The following ZNG1E variants were observed in gnomAD, a reference collection of about 807,000 sequenced individuals.
The protein encoded by ZNG1E is Zn regulated GTPase metalloprotein activator 1E.
At chr9:65,704,054 A>G in the ZNG1E span, 1 of 207,838 alleles carries the variant, frequency 4.8e-6, no homozygotes, top group Non-Finnish European at 5.6e-6. Context: ...TTAGTGTTCT[A>G]CAATTCCTTT....
At chr9:65,661,093 A>C in the ZNG1E span, among the ~76,000 whole-genome samples, 1 of 148,842 alleles carries the variant, frequency 6.7e-6, no homozygotes, top group Non-Finnish European at 1.5e-5. Flanking sequence ...TGCTAGATAT[A>C]TACGTTTTTT....
At chr9:65,681,828 A>G in the ZNG1E span, 2 of 1,548,160 alleles carry the variant, frequency 1.3e-6, no homozygotes, top group Non-Finnish European at 1.7e-6. Flanking sequence ...GCATTTTCTT[A>G]AAGTGTTTTT....
At chr9:65,717,850 G>A in the ZNG1E span, among the ~76,000 whole-genome samples, 1 of 145,156 alleles carries the variant, frequency 6.9e-6, no homozygotes, top group Admixed American at 6.9e-5. Flanking sequence ...ACCATGCCTG[G>A]CTAATTTTTT....
the ZNG1E span, among the ~76,000 whole-genome samples, chr9:65,661,320 C>A: frequency 3.4e-5 from 5 of 148,318 alleles, no homozygotes; most frequent in African/African-American, 1.0e-4. Context: ...AAGAAAAAAA[C>A]AAAGAAACAA....
At chr9:65,720,149 TTAAC>T in the ZNG1E span, 3 of 1,556,050 alleles carry the variant, frequency 1.9e-6, no homozygotes, top group Non-Finnish European at 1.7e-6. Context: ...AAGGACCTCT[TTAAC>T]TAGATAGGCT....
the ZNG1E span, chr9:65,675,741 G>T: frequency 2.0e-5 from 15 of 734,454 alleles, 1 homozygote; most frequent in Non-Finnish European, 3.2e-5. Flanking sequence ...CACAGAACAC[G>T]CCCAGGGGCG....
At chr9:65,684,666 G>GC in the ZNG1E span, among the ~76,000 whole-genome samples, 4,801 of 146,810 alleles carry the variant, frequency 0.033, 9 homozygotes, top group African/African-American at 0.12. Flanking sequence ...CTCAGCCTCA[G>GC]CTGGGAGCTT....
the ZNG1E span, among the ~76,000 whole-genome samples, chr9:65,693,122 A>C: frequency 6.6e-6 from 1 of 152,266 alleles, no homozygotes; most frequent in Non-Finnish European, 1.5e-5. Flanking sequence ...CCTGGAACTT[A>C]AAATTTAAAA....
At chr9:65,728,732 C>CA in the ZNG1E span, among the ~76,000 whole-genome samples, 3 of 147,848 alleles carry the variant, frequency 2.0e-5, no homozygotes, top group African/African-American at 7.8e-5. Context: ...AAAAAATTAC[C>CA]AACAAAAAAA....
At chr9:65,658,152 A>T in the ZNG1E span, among the ~76,000 whole-genome samples, 1 of 151,770 alleles carries the variant, frequency 6.6e-6, no homozygotes, top group Non-Finnish European at 1.5e-5. Context: ...CCTATTATGT[A>T]CCAATAAAAG....
chr9:65,662,415 T>C, the ZNG1E span, among the ~76,000 whole-genome samples: 4 of 152,272 alleles, frequency 2.6e-5, no homozygotes, highest in Non-Finnish European at 5.9e-5. Context: ...GTCTCTGGTT[T>C]TGTGAATGGT....
the ZNG1E span, among the ~76,000 whole-genome samples, chr9:65,687,957 A>C: frequency 6.6e-6 from 1 of 150,966 alleles, no homozygotes; most frequent in African/African-American, 2.4e-5. Flanking sequence ...ATTACCATGA[A>C]TACTTTTTTT....
At chr9:65,681,397 C>A in the ZNG1E span, among the ~76,000 whole-genome samples, 1 of 152,250 alleles carries the variant, frequency 6.6e-6, no homozygotes, top group East Asian at 1.9e-4. Flanking sequence ...TAAATAAAAG[C>A]TAAAATAATG....
the ZNG1E span, among the ~76,000 whole-genome samples, chr9:65,716,363 G>T: frequency 2.0e-5 from 3 of 151,164 alleles, no homozygotes; most frequent in Non-Finnish European, 4.4e-5. Context: ...TTGCTATGTT[G>T]CCTAGGCTGG....
At chr9:65,658,048 G>T in the ZNG1E span, among the ~76,000 whole-genome samples, 2 of 150,930 alleles carry the variant, frequency 1.3e-5, no homozygotes, top group African/African-American at 4.9e-5. Context: ...GCAGTGAGCC[G>T]AGACCGCACC....
the ZNG1E span, among the ~76,000 whole-genome samples, chr9:65,680,722 T>C: frequency 3.3e-5 from 5 of 152,264 alleles, no homozygotes; most frequent in African/African-American, 1.2e-4. Flanking sequence ...ATAACAAGCA[T>C]TTCAAATATA....
the ZNG1E span, among the ~76,000 whole-genome samples, chr9:65,681,246 C>G: frequency 1.3e-5 from 2 of 152,056 alleles, no homozygotes; most frequent in Non-Finnish European, 2.9e-5. Flanking sequence ...ATAAAACATA[C>G]TAGTCGATTT....
the ZNG1E span, among the ~76,000 whole-genome samples, chr9:65,710,012 C>T: frequency 1.0e-4 from 15 of 147,824 alleles, no homozygotes; most frequent in East Asian, 1.9e-4. Flanking sequence ...CTCTCCAGCA[C>T]GTGTTGTTTC....
chr9:65,684,550 G>GCACACGCACA, the ZNG1E span, among the ~76,000 whole-genome samples: 986 of 131,152 alleles, frequency 7.5e-3, 5 homozygotes, highest in African/African-American at 0.021. Flanking sequence ...ACACACGCAC[G>GCACACGCACA]CACACACACA....
Sources: gnomAD v4.1 joint callset for allele counts (sites outside exome capture counted in the v4.1 genomes callset) on GRCh38, gnomAD v4.1.1 for gene constraint, MANE v1.5 for transcripts, NCBI Gene and HGNC (gene_info 2026-07-23, HGNC 2026-07-21) for gene names.